The following RAD54B variants were observed in gnomAD, a reference collection of about 807,000 sequenced individuals.
RAD54B encodes RAD54 homolog B.
A neutral mutation model predicts 95.8 loss-of-function variants in RAD54B; 78 were observed. That is an observed-to-expected ratio of 0.81 (90% CI 0.68 to 0.98). The LOEUF (loss-of-function observed/expected upper bound fraction) is 0.98, where lower values mean the gene tolerates loss of function less well. RAD54B is among the 50% of genes least tolerant of loss of function. RAD54B has a pLI of 0.00. For missense variants in RAD54B, 957 were observed against 1,056.6 expected (o/e 0.91, Z 1.31); for synonymous variants, 328 against 354.9 (o/e 0.92, Z 0.85).
chr8:94,442,674 A>G (rs1812432015), intron 3 of RAD54B, among the ~76,000 whole-genome samples: 1 of 152,076 alleles, frequency 6.6e-6, no homozygotes, highest in African/African-American at 2.4e-5. Context: ...AATTTATTGT[A>G]TAGTTCAAAA....
intron 6 of RAD54B, 43 bp downstream of exon 6, chr8:94,404,034 A>G: frequency 8.9e-6 from 13 of 1,457,864 alleles, no homozygotes; most frequent in Non-Finnish European, 1.2e-5. Flanking sequence ...TACAGGTTAA[A>G]TCAAAATTCA....
rs376919776 is a variant in RAD54B at position 94,407,444 on chromosome 8, G to A, written c.776C>T (p.Thr259Met). The change falls in exon 5 of 15, where the codon ACG becomes ATG. Residue 259 changes from threonine to methionine, a missense_variant. By Grantham distance (81) the Thr-to-Met change is moderately conservative. Transcript: ENST00000336148. The stretch of plus-strand genomic sequence containing the variant: ...AATTATTTTTAAAATCTTACTTGGC[G>A]TATATGGGTCATGGCGTGGTTTGCA... The part of the protein sequence containing the change: ...QNCKPRHDPY[T>M]PNSLVMPRPD... 2.4e-5 allele frequency: 39 copies of A among 1,609,618 alleles called. 1 individual carries two copies. The highest frequency in any genetic ancestry group is 1.2e-4 in the South Asian group (11 of 90,694).
chr8:94,464,464 C>A lies in RAD54B; in HGVS notation c.135+2941G>T, dbSNP rs369460568. Among the ~76,000 whole-genome samples, 185 of 152,008 alleles carry A rather than the reference C, an allele frequency of 1.2e-3. 2 individuals carry two copies. Among genetic ancestry groups the A allele is most frequent in the African/African-American group, 4.3e-3 (178 of 41,262 alleles). ...AGATCTGTGTTGAACTTTTGACCTACAGAACTATAAGATAATTCATTTGTG... is the reference window on the plus strand; with the variant it reads ...AGATCTGTGTTGAACTTTTGACCTAAAGAACTATAAGATAATTCATTTGTG... On this transcript the variant is annotated intron_variant, in intron 2 of 14. Transcript: ENST00000336148.
intron 3 of RAD54B, chr8:94,429,922 T>C: frequency 1.0e-6 from 1 of 985,406 alleles, no homozygotes; most frequent in Non-Finnish European, 1.2e-6. Context: ...TGCCTGTCCC[T>C]AAATGCCACT....
At chr8:94,385,577 A>G (rs1810869229) in intron 11 of RAD54B, among the ~76,000 whole-genome samples, 1 of 152,200 alleles carries the variant, frequency 6.6e-6, no homozygotes, top group African/African-American at 2.4e-5. Flanking sequence ...CTGAGATAGG[A>G]GAAAGCATGA....
intron 3 of RAD54B, among the ~76,000 whole-genome samples, chr8:94,439,954 C>T (rs891159097): frequency 1.3e-5 from 2 of 152,136 alleles, no homozygotes; most frequent in African/African-American, 4.8e-5. Context: ...GGAAGGAAAA[C>T]AAGGGGAAAG....
At chr8:94,402,406 A>G (rs1405980582) in intron 6 of RAD54B, among the ~76,000 whole-genome samples, 1 of 152,074 alleles carries the variant, frequency 6.6e-6, no homozygotes, top group Non-Finnish European at 1.5e-5. Flanking sequence ...GGTGCCTGCC[A>G]CCACACCCAG....
At chr8:94,463,422 A>G (rs561337297) in intron 2 of RAD54B, among the ~76,000 whole-genome samples, 5 of 152,250 alleles carry the variant, frequency 3.3e-5, no homozygotes, top group Admixed American at 2.0e-4. Context: ...CAAAAAGATA[A>G]TAAGTGTTGG....
In RAD54B at chr8:94,427,386, C is replaced by T. The variant is rs533831760; in HGVS notation, c.305-16071G>A. 3.4e-4 allele frequency among the ~76,000 whole-genome samples: 52 copies of T among 151,920 alleles called. 1 individual carries two copies. The highest frequency in any genetic ancestry group is 7.4e-5 in the Non-Finnish European group (5 of 67,856). On this transcript the variant is annotated intron_variant, in intron 3 of 14. Transcript: ENST00000336148. ...AATATATTGAACAATTTCTCAAAAT[C>T]GTATACAAAGATTTTGCTTGACTGT...
At chr8:94,377,975 C>CAAAA (rs59955111) in intron 14 of RAD54B, among the ~76,000 whole-genome samples, 3 of 77,142 alleles carry the variant, frequency 3.9e-5, no homozygotes, top group South Asian at 4.9e-4. Flanking sequence ...GACTCCGTCT[C>CAAAA]AAAAAAAAAA....
At chr8:94,421,080 C>A (rs1811797752) in intron 3 of RAD54B, among the ~76,000 whole-genome samples, 1 of 152,120 alleles carries the variant, frequency 6.6e-6, no homozygotes, top group South Asian at 2.1e-4. Context: ...CCCCACACTG[C>A]CTCTGCTTCT....
chr8:94,461,449 G>A (rs954161204), intron 2 of RAD54B, among the ~76,000 whole-genome samples: 8 of 150,912 alleles, frequency 5.3e-5, no homozygotes, highest in South Asian at 4.2e-4. Context: ...GATTACAGGC[G>A]TGAGCCACCA....
intron 14 of RAD54B, among the ~76,000 whole-genome samples, chr8:94,373,902 A>G (rs1243596440): frequency 3.9e-5 from 6 of 152,220 alleles, no homozygotes. Context: ...TTGAAATTTT[A>G]TCACACCTAA....
intron 3 of RAD54B, chr8:94,431,201 C>A (rs968270291): frequency 1.1e-6 from 1 of 929,114 alleles, no homozygotes; most frequent in African/African-American, 1.8e-5. Context: ...TTATAAAATA[C>A]ATAAAATTTT....
chr8:94,422,370 T>C (rs1811824775), intron 3 of RAD54B, among the ~76,000 whole-genome samples: 1 of 151,196 alleles, frequency 6.6e-6, no homozygotes, highest in Non-Finnish European at 1.5e-5. Flanking sequence ...GCGGATTACC[T>C]GAGGTCAGGA....
At chr8:94,434,840 G>A (rs1392032255) in intron 3 of RAD54B, among the ~76,000 whole-genome samples, 1 of 151,380 alleles carries the variant, frequency 6.6e-6, no homozygotes, top group Non-Finnish European at 1.5e-5. Flanking sequence ...GTATAGAAAT[G>A]TACAAATCAA....
intron 3 of RAD54B, among the ~76,000 whole-genome samples, chr8:94,416,303 G>T (rs1406159486): frequency 2.0e-5 from 3 of 151,848 alleles, no homozygotes; most frequent in African/African-American, 7.3e-5. Context: ...ACTCATAGAT[G>T]GGAATTGAAC....
At chr8:94,452,760 G>A (rs1202781026) in intron 3 of RAD54B, among the ~76,000 whole-genome samples, 3 of 152,064 alleles carry the variant, frequency 2.0e-5, no homozygotes, top group Non-Finnish European at 4.4e-5. Context: ...GCCTCCCAAA[G>A]TGCTGGGATT....
intron 3 of RAD54B, among the ~76,000 whole-genome samples, chr8:94,452,656 C>T (rs1005119745): frequency 8.6e-5 from 13 of 152,042 alleles, no homozygotes; most frequent in Non-Finnish European, 1.5e-4. Flanking sequence ...CACCACCACG[C>T]CCAGCTAATT....
Sources: allele counts gnomAD v4.1 joint callset (sites outside exome capture counted in the v4.1 genomes callset), GRCh38; gene constraint gnomAD v4.1.1; transcripts MANE v1.5; gene names NCBI Gene and HGNC (gene_info 2026-07-23, HGNC 2026-07-21).